Variants in DCC observed in about 807,000 individuals in gnomAD.
DCC encodes the protein netrin receptor DCC.
A neutral mutation model predicts 172.5 loss-of-function variants in DCC; 58 were observed. The observed-to-expected ratio is 0.34, with a 90% confidence interval of 0.27 to 0.42. The LOEUF (loss-of-function observed/expected upper bound fraction) is 0.42. DCC is among the 10% of genes least tolerant of loss of function. DCC has a pLI of 1.00. For synonymous variants in DCC, 709 were observed against 644.5 expected (o/e 1.10, Z -1.52); for missense variants, 1,740 against 1,791.0 (o/e 0.97, Z 0.51).
At chr18:52,850,681 C>A (rs756325536) in intron 2 of DCC, among the ~76,000 whole-genome samples, 1 of 152,060 alleles carries the variant, frequency 6.6e-6, no homozygotes, top group Non-Finnish European at 1.5e-5. Flanking sequence ...TGGAATTACA[C>A]ATTCACCCCC....
chr18:53,420,935 T>G (rs1042481792), intron 21 of DCC, among the ~76,000 whole-genome samples: 7 of 152,204 alleles, frequency 4.6e-5, no homozygotes, highest in African/African-American at 1.7e-4. Context: ...AACTCAAAAC[T>G]TTTCTTTCTG....
At chr18:53,108,650 A>G (rs2043284981) in intron 7 of DCC, among the ~76,000 whole-genome samples, 1 of 151,772 alleles carries the variant, frequency 6.6e-6, no homozygotes, top group South Asian at 2.1e-4. Flanking sequence ...ACTCTAATTC[A>G]GTAGTTGTTG....
At chr18:52,708,789 A>G (rs1237333187) in intron 1 of DCC, among the ~76,000 whole-genome samples, 1 of 152,172 alleles carries the variant, frequency 6.6e-6, no homozygotes, top group Non-Finnish European at 1.5e-5. Context: ...GTAAAATGCT[A>G]TGTTGCAACA....
At chr18:52,963,594 G>A (rs1195846808) in intron 5 of DCC, among the ~76,000 whole-genome samples, 1 of 152,062 alleles carries the variant, frequency 6.6e-6, no homozygotes, top group Non-Finnish European at 1.5e-5. Context: ...GAAGGTGGAG[G>A]GCATTTTTGA....
chr18:53,331,047 C>T (rs567813970), intron 14 of DCC, among the ~76,000 whole-genome samples: 1 of 152,286 alleles, frequency 6.6e-6, no homozygotes, highest in East Asian at 1.9e-4. Flanking sequence ...TTCATCCTTA[C>T]ATACGAACTC....
At chr18:52,795,808 C>T (rs2037864001) in intron 2 of DCC, among the ~76,000 whole-genome samples, 1 of 151,770 alleles carries the variant, frequency 6.6e-6, no homozygotes, top group South Asian at 2.1e-4. Flanking sequence ...CTTATTTTTT[C>T]CAAGACATTT....
intron 7 of DCC, among the ~76,000 whole-genome samples, chr18:53,131,223 A>G (rs1200608529): frequency 1.3e-5 from 2 of 152,070 alleles, no homozygotes; most frequent in African/African-American, 4.8e-5. Context: ...TTCTTGTACT[A>G]TCTTTGAAAA....
At chr18:53,214,922 A>G (rs1199675691) in intron 11 of DCC, among the ~76,000 whole-genome samples, 3 of 152,146 alleles carry the variant, frequency 2.0e-5, no homozygotes, top group Non-Finnish European at 4.4e-5. Flanking sequence ...GAAAAACAAA[A>G]TACCGTACCT....
At chr18:53,414,071 G>C (rs1910152088) in intron 20 of DCC, among the ~76,000 whole-genome samples, 1 of 152,072 alleles carries the variant, frequency 6.6e-6, no homozygotes. Context: ...TTTTCAATGG[G>C]AAACAGAAGA....
chr18:53,515,234 T>G (rs2046319051), intron 27 of DCC, among the ~76,000 whole-genome samples: 1 of 151,988 alleles, frequency 6.6e-6, no homozygotes. Context: ...AAAAAGCCTT[T>G]GACAAAATTC....
intron 1 of DCC, among the ~76,000 whole-genome samples, chr18:52,596,267 CG>C (rs1444601584): frequency 6.6e-6 from 1 of 152,162 alleles, no homozygotes; most frequent in Admixed American, 6.6e-5. Flanking sequence ...CACACTCACA[CG>C]GGAAACACAA....
intron 1 of DCC, among the ~76,000 whole-genome samples, chr18:52,505,921 G>T (rs950163607): frequency 7.9e-5 from 12 of 152,018 alleles, no homozygotes; most frequent in African/African-American, 2.9e-4. Flanking sequence ...TGCTAAAAAA[G>T]GTCGTTTATA....
At chr18:52,668,609 G>A (rs1386863570) in intron 1 of DCC, among the ~76,000 whole-genome samples, 1 of 152,202 alleles carries the variant, frequency 6.6e-6, no homozygotes, top group Admixed American at 6.5e-5. Context: ...GTTTAGAACA[G>A]TGTGCTACCC....
intron 1 of DCC, among the ~76,000 whole-genome samples, chr18:52,617,327 T>C (rs1279953651): frequency 1.2e-4 from 18 of 152,156 alleles, no homozygotes; most frequent in Admixed American, 1.2e-3. Context: ...TTGAGAGTCC[T>C]TATTTATTGA....
intron 12 of DCC, among the ~76,000 whole-genome samples, chr18:53,221,249 A>G (rs1350048985): frequency 6.6e-6 from 1 of 152,150 alleles, no homozygotes; most frequent in Non-Finnish European, 1.5e-5. Context: ...TTGTACATCT[A>G]TCACCAGCTT....
At chr18:52,381,866 T>C (rs746655122) in intron 1 of DCC, among the ~76,000 whole-genome samples, 69 of 152,166 alleles carry the variant, frequency 4.5e-4, no homozygotes, top group Admixed American at 3.6e-3. Context: ...TGCTAAAACA[T>C]GACAGAATTA....
At chr18:53,358,452 A>T (rs1375149967) in intron 15 of DCC, among the ~76,000 whole-genome samples, 1 of 150,588 alleles carries the variant, frequency 6.6e-6, no homozygotes, top group African/African-American at 2.4e-5. Flanking sequence ...AAAATGGCTT[A>T]TTGAGTCACT....
At chr18:53,300,534 T>C (rs999971096) in intron 12 of DCC, among the ~76,000 whole-genome samples, 3 of 152,116 alleles carry the variant, frequency 2.0e-5, no homozygotes, top group African/African-American at 7.2e-5. Flanking sequence ...CGCATTAAAG[T>C]TCAAAGTTAA....
intron 12 of DCC, among the ~76,000 whole-genome samples, chr18:53,293,797 T>C (rs1437886778): frequency 6.6e-6 from 1 of 152,182 alleles, no homozygotes; most frequent in Non-Finnish European, 1.5e-5. Flanking sequence ...TTTCTCCTGA[T>C]AGAGCTCCGA....
Sources: gnomAD v4.1 joint callset for allele counts (sites outside exome capture counted in the v4.1 genomes callset) on GRCh38, gnomAD v4.1.1 for gene constraint, MANE v1.5 for transcripts, NCBI Gene and HGNC (gene_info 2026-07-23, HGNC 2026-07-21) for gene names.